The following SPTAN1 variants were observed in gnomAD, a reference collection of about 807,000 sequenced individuals.
SPTAN1 encodes the protein spectrin alpha chain, non-erythrocytic 1.
A neutral mutation model predicts 331.3 loss-of-function variants in SPTAN1; 61 were observed. That is an observed-to-expected ratio of 0.18 (90% CI 0.15 to 0.23). The LOEUF (loss-of-function observed/expected upper bound fraction) is 0.23, where lower values mean the gene tolerates loss of function less well. Ranked by LOEUF, SPTAN1 falls within the 10% of genes least tolerant of loss-of-function variation. The pLI, the probability that SPTAN1 is intolerant of heterozygous loss-of-function variation, is 1.00. For synonymous variants in SPTAN1, 1,153 were observed against 1,173.9 expected, an observed-to-expected ratio of 0.98 and a Z score of 0.36; for missense variants, 2,043 against 3,147.9, an observed-to-expected ratio of 0.65 and a Z score of 8.40.
chr9:128,576,946 C>T lies in SPTAN1; in HGVS notation c.775C>T (p.Arg259Cys), dbSNP rs151150353. The change falls in exon 6 of 57, where the codon CGC becomes TGC. Residue 259 changes from arginine to cysteine, a missense_variant. Physicochemically the swap from Arg to Cys is radical, Grantham distance 180. Coordinates refer to ENST00000372739, the MANE Select transcript of SPTAN1 (RefSeq NM_001130438.3). ...GCTCTTTGGGGCAGCAGAAGTTCAG[C>T]GCTTTAACAGGTGTCAAGCCAGAGT... ...GKLFGAAEVQ[R>C]FNRDVDETIS... The T allele has an allele frequency of 1.2e-5, 19 of 1,613,998 alleles. No individual in the cohort carries two copies. Among genetic ancestry groups the T allele is most frequent in the Non-Finnish European group, 1.4e-5 (17 of 1,180,048 alleles).
intron 5 of SPTAN1, among the ~76,000 whole-genome samples, chr9:128,575,655 G>A (rs1334068698): frequency 6.6e-6 from 1 of 152,202 alleles, no homozygotes; most frequent in African/African-American, 2.4e-5. Flanking sequence ...TCTCAGACGA[G>A]GGTGTGGTGG....
In SPTAN1 at chr9:128,627,587, C is replaced by G. The variant is rs1858957608; in HGVS notation, c.6689+89C>G. 1 of 1,284,714 alleles carries G rather than the reference C, an allele frequency of 7.8e-7. No individual in the cohort carries two copies. Among genetic ancestry groups the G allele is most frequent in the Non-Finnish European group, 1.1e-6 (1 of 904,906 alleles). 79.6% of individuals were successfully genotyped at this position (1,284,714 alleles called of 1,614,324 possible). A position where few individuals can be genotyped will look rare whatever the true frequency, so the allele number is the denominator to read the frequency against. ...TTCCAGCCCCAAGGAGGTGGTGGTG[C>G]TTTGTGTAAAACCAGAGGCAGCCTG... On this transcript the variant is annotated intron_variant, in intron 50 of 56. Transcript: ENST00000372739. The surrounding 1 kb of genome is among the most constrained non-coding windows in gnomAD (Gnocchi z 4.9).
Position 128,633,539 on chromosome 9 carries a change from AAGCAGCTGCCCTCATT to A in SPTAN1, c.*206_*221del. On this transcript the variant is annotated 3_prime_UTR_variant, in exon 57 of 57. Coordinates refer to ENST00000372739, the MANE Select transcript of SPTAN1 (RefSeq NM_001130438.3). The stretch of plus-strand genomic sequence containing the variant: ...TGTGGGGACCCAGATCTGTGTCTTG[AAGCAGCTGCCCTCATT>A]CCGACTTCAGAAAATCGAAGCAGCT... 9.1e-7 allele frequency: 1 copy of A among 1,094,868 alleles called. No homozygotes were observed. 67.8% of individuals were successfully genotyped at this position (1,094,868 alleles called of 1,614,324 possible).
chr9:128,581,664 G>A (rs1426670057), intron 11 of SPTAN1, 118 bp from the exon 12 acceptor site: 2 of 805,496 alleles, frequency 2.5e-6, no homozygotes, highest in African/African-American at 1.7e-5. Context: ...TAGAAGTTTA[G>A]CAGCCATAAA....
intron 52 of SPTAN1, chr9:128,630,706 T>A (rs928215684): frequency 3.2e-6 from 1 of 310,042 alleles, no homozygotes; most frequent in Non-Finnish European, 6.2e-6. Flanking sequence ...TTTTGTTTAT[T>A]TTTAATTATC....
intron 19 of SPTAN1, among the ~76,000 whole-genome samples, chr9:128,586,967 G>A (rs139091539): frequency 3.3e-5 from 5 of 152,080 alleles, no homozygotes; most frequent in Admixed American, 6.5e-5. Context: ...ACAGGCGCCC[G>A]CCACCACGCC....
rs1589151730 is a variant in SPTAN1, at chr9:128,567,645, T to C, written c.237+668T>C. Among the ~76,000 whole-genome samples the C allele has an allele frequency of 3.3e-5, 5 of 152,322 alleles. No individual in the cohort carries two copies. In the South Asian group the frequency reaches 1.0e-3, roughly 32 times the overall value. The stretch of plus-strand genomic sequence containing the variant: ...GATGTTGCTGGCAAAAATTTATAGT[T>C]ATTCTGGAGTCAGATATCAAAGAAT... On this transcript the variant is annotated intron_variant, in intron 2 of 56. Transcript: ENST00000372739.
intron 1 of SPTAN1, among the ~76,000 whole-genome samples, chr9:128,562,554 C>T (rs1849499767): frequency 6.6e-6 from 1 of 152,086 alleles, no homozygotes; most frequent in African/African-American, 2.4e-5. Context: ...CTGGAGGAGA[C>T]AACTGGAAGG....
At chr9:128,568,749 C>T (rs757423491) in intron 2 of SPTAN1, 23 bp from the exon 3 acceptor site, 46 of 1,613,594 alleles carry the variant, frequency 2.9e-5, no homozygotes, top group Non-Finnish European at 3.7e-5. Context: ...GCGTCTGAGG[C>T]TCACTTCAAG....
intron 18 of SPTAN1, among the ~76,000 whole-genome samples, chr9:128,585,078 G>A (rs570104855): frequency 4.5e-4 from 68 of 150,114 alleles, no homozygotes; most frequent in African/African-American, 1.4e-3. Context: ...GCAGTGGCGC[G>A]GTCTCAGCTC....
At chr9:128,590,735 C>T (rs1416364114) in intron 21 of SPTAN1, among the ~76,000 whole-genome samples, 4 of 151,954 alleles carry the variant, frequency 2.6e-5, no homozygotes, top group Non-Finnish European at 5.9e-5. Context: ...CCTGTAGTCC[C>T]AGCTACTTGG....
intron 1 of SPTAN1, among the ~76,000 whole-genome samples, chr9:128,560,169 A>C (rs7866931): frequency 6.7e-6 from 1 of 148,182 alleles, no homozygotes; most frequent in East Asian, 2.1e-4. Context: ...CTGCAACCTC[A>C]GCCTCCCGGG....
At position 128,612,252 on chromosome 9, in the gene SPTAN1, A is replaced by G; in HGVS notation, c.5043+6A>G. On this transcript the variant is annotated splice_donor_region_variant and intron_variant, in intron 39 of 56. Coordinates refer to ENST00000372739, the MANE Select transcript of SPTAN1 (RefSeq NM_001130438.3). ...TTGACTTCTGGCTGTCTGAGGTAAC[A>G]CTGAGTGGTTCCTCTTCCTACCAGT... is the stretch of plus-strand genomic sequence containing the variant. The G allele has an allele frequency of 6.2e-7, 1 of 1,614,104 alleles. No individual in the cohort carries two copies. The highest frequency in any genetic ancestry group is 8.5e-7 in the Non-Finnish European group (1 of 1,180,002).
At chr9:128,596,818 G>C (rs1464394442) in intron 24 of SPTAN1, among the ~76,000 whole-genome samples, 3 of 152,116 alleles carry the variant, frequency 2.0e-5, no homozygotes, top group Non-Finnish European at 4.4e-5. Flanking sequence ...AGCCACCCGA[G>C]TGGCTGGGAC....
At chr9:128,602,679 A>G (rs939758903) in intron 27 of SPTAN1, among the ~76,000 whole-genome samples, 2 of 151,880 alleles carry the variant, frequency 1.3e-5, no homozygotes, top group Non-Finnish European at 2.9e-5. Flanking sequence ...TCCGTTGCCC[A>G]GGCTGGAGTG....
At chr9:128,633,099 G>A (rs1000747019) in intron 56 of SPTAN1, 110 bp from the exon 57 acceptor site, 5 of 1,596,834 alleles carry the variant, frequency 3.1e-6, no homozygotes, top group African/African-American at 2.7e-5. Flanking sequence ...AGAAGTCCCG[G>A]ATCTGCTTGT....
At chr9:128,622,790 T>C (rs1011909804) in intron 45 of SPTAN1, among the ~76,000 whole-genome samples, 8 of 152,146 alleles carry the variant, frequency 5.3e-5, no homozygotes, top group East Asian at 1.9e-4. Context: ...TCTCACTCTG[T>C]GGCCCAGGCT....
At chr9:128,621,280 C>A (rs758899410) in intron 45 of SPTAN1, 24 bp downstream of exon 45, 68 of 1,597,458 alleles carry the variant, frequency 4.3e-5, no homozygotes, top group Non-Finnish European at 5.2e-5. Flanking sequence ...ATTGGTAAGA[C>A]CTCCATCGCC....
intron 22 of SPTAN1, 104 bp from the exon 23 acceptor site, chr9:128,592,879 A>G: frequency 9.3e-7 from 1 of 1,077,038 alleles, no homozygotes. Flanking sequence ...GTTTCCCAAC[A>G]TTAAGCATCC....
Sources: gnomAD v4.1 joint callset for allele counts (sites outside exome capture counted in the v4.1 genomes callset) on GRCh38, gnomAD v4.1.1 for gene constraint, Gnocchi (gnomAD v3.1) non-coding constraint, MANE v1.5 for transcripts, NCBI Gene and HGNC (gene_info 2026-07-23, HGNC 2026-07-21) for gene names.